The following RHOH variants were observed in gnomAD, a reference collection of about 807,000 sequenced individuals.
RHOH encodes rho-related GTP-binding protein RhoH.
A neutral mutation model predicts 13.8 loss-of-function variants in RHOH; 6 were observed. That is an observed-to-expected ratio of 0.44 (90% CI 0.24 to 0.86). The LOEUF (loss-of-function observed/expected upper bound fraction) is 0.86. RHOH is among the 40% of genes least tolerant of loss of function. The pLI is 0.24. For synonymous variants in RHOH, 117 were observed against 103.0 expected (o/e 1.14, Z -0.82); for missense variants, 147 against 244.5 (o/e 0.60, Z 2.66).
intron 1 of RHOH, among the ~76,000 whole-genome samples, chr4:40,198,928 C>CT (rs74738163): frequency 0.2 from 29,665 of 152,000 alleles, 3,080 homozygotes; most frequent in South Asian, 0.23. Context: ...AATTCAGACA[C>CT]TTTTTTTCTG....
intron 1 of RHOH, among the ~76,000 whole-genome samples, chr4:40,219,597 A>G (rs1726305635): frequency 6.6e-6 from 1 of 152,156 alleles, no homozygotes; most frequent in African/African-American, 2.4e-5. Flanking sequence ...TTATACTTTT[A>G]AAATGTTACT....
At chr4:40,221,023 C>A (rs565327039) in intron 1 of RHOH, among the ~76,000 whole-genome samples, 1 of 152,280 alleles carries the variant, frequency 6.6e-6, no homozygotes, top group East Asian at 1.9e-4. Flanking sequence ...TTAAGAAAAT[C>A]TGAATAAACT....
intron 1 of RHOH, among the ~76,000 whole-genome samples, chr4:40,232,554 T>C (rs2381491): frequency 0.086 from 13,107 of 152,204 alleles, 747 homozygotes; most frequent in African/African-American, 0.15. Flanking sequence ...TGTGCCTGGC[T>C]AGTAACATTT....
At chr4:40,211,620 TTTCA>T (rs1165586568) in intron 1 of RHOH, among the ~76,000 whole-genome samples, 1 of 152,134 alleles carries the variant, frequency 6.6e-6, no homozygotes, top group East Asian at 1.9e-4. Flanking sequence ...TTGGGGGTAG[TTTCA>T]CAGGATTTTT....
chr4:40,201,413 T>A (rs1723968975), intron 1 of RHOH, among the ~76,000 whole-genome samples: 1 of 152,200 alleles, frequency 6.6e-6, no homozygotes, highest in Admixed American at 6.5e-5. Context: ...GGGAGATGTT[T>A]ACAGTGGTGT....
At chr4:40,213,354 G>A (rs77739469) in intron 1 of RHOH, among the ~76,000 whole-genome samples, 1 of 121,696 alleles carries the variant, frequency 8.2e-6, no homozygotes, top group African/African-American at 2.9e-5. Context: ...TCTCTCTCTC[G>A]TTTCTCTTTT....
upstream of RHOH, among the ~76,000 whole-genome samples, chr4:40,193,352 G>A (rs1201056742): frequency 3.9e-5 from 6 of 152,198 alleles, no homozygotes; most frequent in African/African-American, 1.2e-4. Flanking sequence ...ACTGCACAGC[G>A]TCAGAAGGGA....
upstream of RHOH, among the ~76,000 whole-genome samples, chr4:40,192,402 A>G (rs1205952763): frequency 6.6e-6 from 1 of 152,348 alleles, no homozygotes. Context: ...AAGGCATCTT[A>G]CTAACCCAGC....
chr4:40,228,262 A>G (rs920901023), intron 1 of RHOH, among the ~76,000 whole-genome samples: 1 of 152,208 alleles, frequency 6.6e-6, no homozygotes, highest in Non-Finnish European at 1.5e-5. Flanking sequence ...AAAATGATGC[A>G]CTGAATAAAA....
chr4:40,210,089 C>CGTGTGCGT (rs1725079255), intron 1 of RHOH, among the ~76,000 whole-genome samples: 1 of 145,458 alleles, frequency 6.9e-6, no homozygotes, highest in Non-Finnish European at 1.5e-5. Context: ...ACATTGTGTG[C>CGTGTGCGT]GTGTGTGTGT....
chr4:40,235,219 G>A (rs1489609428), intron 1 of RHOH: 3 of 152,210 alleles, frequency 2.0e-5, no homozygotes, highest in Non-Finnish European at 2.9e-5. Context: ...TGGGTATACA[G>A]CTTGGTGGAT....
rs114381864 is a variant in RHOH, at chr4:40,229,967, A to G, written c.-330-12747A>G. Among the ~76,000 whole-genome samples, 826 of 152,306 alleles carry G rather than the reference A, an allele frequency of 5.4e-3. 11 individuals carry two copies. Among genetic ancestry groups the G allele is most frequent in the African/African-American group, 0.019 (770 of 41,566 alleles). On this transcript the variant is annotated intron_variant, in intron 1 of 2. Transcript: ENST00000381799. ...TGACAATACAGTTATCACCTAACAA[A>G]ATTAGCAATAGTTCTTAAATGTCAT...
At chr4:40,227,563 AG>A (rs1251777614) in intron 1 of RHOH, among the ~76,000 whole-genome samples, 1 of 152,176 alleles carries the variant, frequency 6.6e-6, no homozygotes, top group East Asian at 1.9e-4. Context: ...TTTCCGCAGC[AG>A]GGAACATGCT....
rs983577295 is a variant in RHOH, at chr4:40,243,734, C to A, written c.348C>A (p.Thr116=). Reference sequence around the variant, plus strand: ...GTACCCCTGTGCTGGTGGTGGCCACCCAGACTGACCAGCGGGAGATGGGGC... The same window carrying A: ...GTACCCCTGTGCTGGTGGTGGCCACACAGACTGACCAGCGGGAGATGGGGC... ...LPCTPVLVVA[T]QTDQREMGPH... The change falls in exon 3 of 3, where the codon ACC becomes ACA. Residue 116 remains threonine, a synonymous_variant. Coordinates refer to ENST00000381799, the MANE Select transcript of RHOH (RefSeq NM_004310.5). The surrounding 1 kb of genome is among the most constrained non-coding windows in gnomAD (Gnocchi z 6.2). The A allele has an allele frequency of 6.2e-7, 1 of 1,614,068 alleles. No homozygotes were observed. The highest frequency in any genetic ancestry group is 1.7e-5 in the Admixed American group (1 of 60,022).
intron 1 of RHOH, among the ~76,000 whole-genome samples, chr4:40,225,385 C>G (rs1727098388): frequency 6.6e-6 from 1 of 151,912 alleles, no homozygotes; most frequent in South Asian, 2.1e-4. Flanking sequence ...TACACCTGAC[C>G]TGAATGATTT....
At position 40,202,272 on chromosome 4, in the gene RHOH, T is replaced by A. The variant is rs148670166; in HGVS notation, c.-331+4972T>A. Among the ~76,000 whole-genome samples the A allele has an allele frequency of 3.3e-5, 5 of 152,252 alleles. No individual in the cohort carries two copies. In the East Asian group the frequency reaches 9.6e-4, roughly 29 times the overall value. ...TGGGTTCTTTTAAAGTCATTAAAAATCATAGTTATGATGGTTATGAAAATA... is the reference window on the plus strand; with the variant it reads ...TGGGTTCTTTTAAAGTCATTAAAAAACATAGTTATGATGGTTATGAAAATA... On this transcript the variant is annotated intron_variant, in intron 1 of 2. Transcript: ENST00000381799.
upstream of RHOH, among the ~76,000 whole-genome samples, chr4:40,195,416 T>G (rs374939700): frequency 1.4e-5 from 2 of 139,344 alleles, no homozygotes; most frequent in Admixed American, 7.3e-5. Context: ...CTTCCTTCCT[T>G]CCCTCCCCTT....
chr4:40,210,864 T>G (rs1326300855), intron 1 of RHOH, among the ~76,000 whole-genome samples: 1 of 152,176 alleles, frequency 6.6e-6, no homozygotes, highest in Non-Finnish European at 1.5e-5. Flanking sequence ...ATTTCATGCA[T>G]GGGGCAATTA....
chr4:40,197,057 C>T lies in RHOH; in HGVS notation c.-574C>T, dbSNP rs1379929465. 1.3e-5 allele frequency: 2 copies of T among 152,136 alleles called. No individual in the cohort carries two copies. Among genetic ancestry groups the T allele is most frequent in the East Asian group, 1.9e-4 (1 of 5,200 alleles). The allele number at this position is 152,136 out of a possible 1,614,324, so 9.4% of individuals were successfully genotyped here. ...TCACATTCGGATTGCTCCTGCTGCC[C>T]CACACACACTAACCCAACCATCTTG... On this transcript the variant is annotated 5_prime_UTR_variant, in exon 1 of 3. Coordinates refer to ENST00000381799, the MANE Select transcript of RHOH (RefSeq NM_004310.5).
Sources: allele counts gnomAD v4.1 joint callset (sites outside exome capture counted in the v4.1 genomes callset), GRCh38; gene constraint gnomAD v4.1.1; non-coding constraint Gnocchi (gnomAD v3.1); transcripts MANE v1.5; gene names NCBI Gene and HGNC (gene_info 2026-07-23, HGNC 2026-07-21).